PRKCQ: variants seen among roughly 807,000 people sequenced by gnomAD.
PRKCQ encodes the protein protein kinase C theta, also known as protein kinase C theta type.
Under a neutral mutation model 91.2 loss-of-function variants are expected in PRKCQ, and 41 were observed. That is an observed-to-expected ratio of 0.45 (90% confidence interval 0.35 to 0.58). The LOEUF is 0.58. Ranked by LOEUF, PRKCQ falls within the 20% of genes least tolerant of loss-of-function variation. The pLI is 0.00. For missense variants in PRKCQ, 673 were observed against 896.5 expected (o/e 0.75, Z 3.18); for synonymous variants, 307 against 316.9 (o/e 0.97, Z 0.33).
chr10:6,491,693 G>C lies in PRKCQ; in HGVS notation c.780C>G (p.Leu260=), dbSNP rs1329235719. ...CCCCACTGGACTCACCATCACACTT[G>C]AGTCCTTGCCGTGCCAGTCCCCACA... The part of the protein sequence containing the change: ...TLLWGLARQG[L]KCDACGMNVH... The change falls in exon 8 of 18, where the codon CTC becomes CTG. Residue 260 remains leucine, a synonymous_variant. Transcript: ENST00000263125. 1 of 1,614,156 alleles carries C rather than the reference G, an allele frequency of 6.2e-7. No homozygotes were observed. Among genetic ancestry groups the C allele is most frequent in the East Asian group, 2.2e-5 (1 of 44,890 alleles).
chr10:6,454,919 C>T (rs186591192), intron 15 of PRKCQ, among the ~76,000 whole-genome samples: 1 of 152,202 alleles, frequency 6.6e-6, no homozygotes, highest in Admixed American at 6.5e-5. Context: ...GCTGTGGAAG[C>T]CGGATTCTGC....
chr10:6,435,402 G>T (rs974080233), intron 16 of PRKCQ, among the ~76,000 whole-genome samples: 11 of 152,180 alleles, frequency 7.2e-5, no homozygotes, highest in Non-Finnish European at 1.2e-4. Context: ...CAACAAATGG[G>T]GCTCAAGAAT....
intron 15 of PRKCQ, among the ~76,000 whole-genome samples, chr10:6,449,277 A>G (rs806392): frequency 0.99 from 147,534 of 149,122 alleles, 72,999 homozygotes; most frequent in East Asian, 1. Context: ...CGAGAACTAC[A>G]TGAAGAATGC....
intron 9 of PRKCQ, 39 bp downstream of exon 9, chr10:6,485,996 C>T (rs7081343): frequency 1.2e-5 from 18 of 1,532,664 alleles, no homozygotes; most frequent in East Asian, 4.5e-5. Flanking sequence ...CCTTGCTGAG[C>T]GGCCATGGCG....
In PRKCQ at chr10:6,527,641, G is replaced by A. The variant is rs561517551; in HGVS notation, c.-9-12497C>T. Among the ~76,000 whole-genome samples, 13 of 152,212 alleles carry A rather than the reference G, an allele frequency of 8.5e-5. No homozygotes were observed. In the East Asian group the frequency reaches 1.4e-3, roughly 16 times the overall value. Reference sequence around the variant, plus strand: ...AGCCTGGAAGCCAAGTCCTGCCACCGTGCCATTCTTTTTCCCCAGGAGACA... The same window carrying A: ...AGCCTGGAAGCCAAGTCCTGCCACCATGCCATTCTTTTTCCCCAGGAGACA... On this transcript the variant is annotated intron_variant, in intron 1 of 17. Transcript: ENST00000263125.
At chr10:6,550,683 G>A (rs1211973235) in intron 1 of PRKCQ, among the ~76,000 whole-genome samples, 1 of 152,232 alleles carries the variant, frequency 6.6e-6, no homozygotes, top group African/African-American at 2.4e-5. Context: ...CGATGTGGGT[G>A]TGTAAATATC....
intron 12 of PRKCQ, among the ~76,000 whole-genome samples, chr10:6,467,967 G>A (rs962174941): frequency 6.6e-6 from 1 of 152,188 alleles, no homozygotes; most frequent in African/African-American, 2.4e-5. Context: ...AGCTATTCAT[G>A]AAGCTGAGGC....
intron 1 of PRKCQ, among the ~76,000 whole-genome samples, chr10:6,543,939 A>G (rs934245279): frequency 9.2e-5 from 14 of 152,168 alleles, no homozygotes; most frequent in Admixed American, 6.5e-5. Context: ...TGTGAAAAGG[A>G]AAGACATGAC....
intron 5 of PRKCQ, among the ~76,000 whole-genome samples, chr10:6,498,062 G>A (rs942653910): frequency 2.0e-5 from 3 of 152,206 alleles, no homozygotes; most frequent in African/African-American, 4.8e-5. Context: ...GGGCCATTAG[G>A]TGGGGGAAGT....
chr10:6,433,427 G>A (rs1467830262), intron 16 of PRKCQ, among the ~76,000 whole-genome samples: 3 of 152,138 alleles, frequency 2.0e-5, no homozygotes, highest in African/African-American at 7.2e-5. Context: ...GCATAGTGCC[G>A]TGCACAACAT....
Position 6,485,374 on chromosome 10 carries a change from T to C in PRKCQ, c.901-105A>G, listed in dbSNP as rs989894842. On this transcript the variant is annotated intron_variant, in intron 9 of 17. Transcript: ENST00000263125. ...AGGCCATTTAAAATGTTTAAATGCA[T>C]AGGGTCAACAAAGATCTCCTTATCC... 7 of 857,256 alleles carry C rather than the reference T, an allele frequency of 8.2e-6. No individual in the cohort carries two copies. The East Asian group carries it at 1.2e-4, about 15-fold the overall frequency. 53.1% of individuals were successfully genotyped at this position (857,256 alleles called of 1,614,324 possible).
At chr10:6,579,503 C>T (rs1841372793) in intron 1 of PRKCQ, among the ~76,000 whole-genome samples, 1 of 152,158 alleles carries the variant, frequency 6.6e-6, no homozygotes, top group African/African-American at 2.4e-5. Flanking sequence ...TAGCATTCAA[C>T]AGTCACTCTC....
rs1834004051 is a variant in PRKCQ, at chr10:6,442,153, T to G, written c.1648-72A>C. 3 of 1,414,750 alleles carry G rather than the reference T, an allele frequency of 2.1e-6. No individual in the cohort carries two copies. In the East Asian group the frequency reaches 7.1e-5, roughly 34 times the overall value. 87.6% of individuals were successfully genotyped at this position (1,414,750 alleles called of 1,614,324 possible). A position where few individuals can be genotyped will look rare whatever the true frequency, so the allele number is the denominator to read the frequency against. On this transcript the variant is annotated intron_variant, in intron 15 of 17. Transcript: ENST00000263125. ...GGAGTGACAACTCTTCCTGAGCGTC[T>G]CAAGGCCACTCAGTAAATGGTCGAG...
chr10:6,450,335 G>C (rs1178445732), intron 15 of PRKCQ, among the ~76,000 whole-genome samples: 5 of 144,074 alleles, frequency 3.5e-5, no homozygotes, highest in Non-Finnish European at 6.0e-5. Flanking sequence ...AAGAGACAAG[G>C]CCATTACATA....
chr10:6,442,137 A>G (rs1834003228), intron 15 of PRKCQ, 56 bp from the exon 16 acceptor site: 1 of 1,540,714 alleles, frequency 6.5e-7, no homozygotes, highest in Admixed American at 1.8e-5. Flanking sequence ...AGGAGTGACA[A>G]CTCTTCCTGA....
intron 15 of PRKCQ, among the ~76,000 whole-genome samples, chr10:6,447,907 A>G (rs1414143831): frequency 6.6e-6 from 1 of 152,218 alleles, no homozygotes; most frequent in African/African-American, 2.4e-5. Flanking sequence ...TCTCTAAGGC[A>G]CTGAGGAGGG....
At chr10:6,432,977 T>C (rs967788260) in intron 16 of PRKCQ, among the ~76,000 whole-genome samples, 1 of 152,180 alleles carries the variant, frequency 6.6e-6, no homozygotes, top group African/African-American at 2.4e-5. Flanking sequence ...TGTGAAACTT[T>C]CTTTGATTAC....
chr10:6,430,004 G>A lies in PRKCQ; in HGVS notation c.1965+806C>T, dbSNP rs58864263. On this transcript the variant is annotated intron_variant, in intron 17 of 17. Coordinates refer to ENST00000263125, the MANE Select transcript of PRKCQ (RefSeq NM_006257.5). The surrounding 1 kb of genome is among the most constrained non-coding windows in gnomAD (Gnocchi z 4.7). ...CGAGTAGCCAGGATTATAGGCGCCC[G>A]CAACCATGCCCAGCTAATTTTTGTA... Among the ~76,000 whole-genome samples the A allele has an allele frequency of 0.011, 1,646 of 152,260 alleles. 35 individuals are homozygous for A. Among genetic ancestry groups the A allele is most frequent in the African/African-American group, 0.036 (1,514 of 41,544 alleles).
In PRKCQ at chr10:6,442,024, G is replaced by A. The variant is rs778937392; in HGVS notation, c.1705C>T (p.Leu569Phe). The change falls in exon 16 of 18, where the codon CTT becomes TTT. Residue 569 changes from leucine (L) to phenylalanine (F), a missense_variant. Leu to Phe is a conservative substitution (Grantham distance 22, BLOSUM62 0). Transcript: ENST00000263125. ...GACTGACCAATCAGCATTTCATAAA[G>A]GAGAACCCCGAAGGACCACCAGTCC... ...SVDWWSFGVL[L>F]YEMLIGQSPF... The A allele has an allele frequency of 1.2e-6, 2 of 1,614,134 alleles. No homozygotes were observed. Among genetic ancestry groups the A allele is most frequent in the Non-Finnish European group, 1.7e-6 (2 of 1,180,028 alleles).
Sources: allele counts gnomAD v4.1 joint callset (sites outside exome capture counted in the v4.1 genomes callset), GRCh38; gene constraint gnomAD v4.1.1; non-coding constraint Gnocchi (gnomAD v3.1); transcripts MANE v1.5; gene names NCBI Gene and HGNC (gene_info 2026-07-23, HGNC 2026-07-21).